The following ANK3 variants were observed in gnomAD, a reference collection of about 807,000 sequenced individuals.
ANK3 encodes ankyrin-3.
In ANK3, 57 loss-of-function variants were observed where a neutral mutation model predicts 370.9. The observed-to-expected ratio is 0.15, with a 90% confidence interval of 0.12 to 0.19. The LOEUF (loss-of-function observed/expected upper bound fraction) is 0.19, where lower values mean the gene tolerates loss of function less well. Among genes scored for constraint, ANK3 ranks in the 10% least tolerant of loss-of-function variants. The pLI, the probability that ANK3 is intolerant of heterozygous loss-of-function variation, is 1.00. For missense variants in ANK3, 4,439 were observed against 5,302.1 expected (o/e 0.84, Z 5.06); for synonymous variants, 1,929 against 1,946.3 (o/e 0.99, Z 0.23).
chr10:60,303,832 G>A (rs1182549847), intron 1 of ANK3, among the ~76,000 whole-genome samples: 2 of 151,830 alleles, frequency 1.3e-5, no homozygotes, highest in Non-Finnish European at 2.9e-5. Flanking sequence ...ACACAGAAAA[G>A]AACTAAATTG....
chr10:60,470,168 T>C (rs2065181696), intron 2 of ANK3, among the ~76,000 whole-genome samples: 1 of 152,148 alleles, frequency 6.6e-6, no homozygotes, highest in South Asian at 2.1e-4. Context: ...AATGGTGGGA[T>C]ATGAAGCATT....
At position 60,071,746 on chromosome 10, in the gene ANK3, G is replaced by C. The variant is rs1234340644; in HGVS notation, c.9135C>G (p.Pro3045=). The change falls in exon 37 of 44, where the codon CCC becomes CCG. Residue 3045 remains proline (P), a synonymous_variant. Transcript: ENST00000280772. ...CPPLEETETS[P]TKSPDSLEFS... ...ACTCTAAAGAATCAGGAGATTTGGT[G>C]GGGGAGGTTTCGGTTTCCTCGAGAG... 1.3e-6 allele frequency: 2 copies of C among 1,598,138 alleles called. No individual in the cohort carries two copies. Among genetic ancestry groups the C allele is most frequent in the East Asian group, 2.2e-5 (1 of 44,818 alleles).
intron 26 of ANK3, chr10:60,111,895 AT>A (rs779831674): frequency 4.9e-6 from 2 of 404,534 alleles, no homozygotes; most frequent in Non-Finnish European, 9.7e-6. Flanking sequence ...GGCATCTGGC[AT>A]TTGTGGGACA....
At chr10:60,450,412 T>C (rs527453090) in intron 2 of ANK3, among the ~76,000 whole-genome samples, 2 of 152,302 alleles carry the variant, frequency 1.3e-5, no homozygotes, top group South Asian at 2.1e-4. Flanking sequence ...TTACTGAATA[T>C]TTAACAATCA....
Position 60,696,532 on chromosome 10 carries a change from T to C in ANK3, c.57+36731A>G, listed in dbSNP as rs973502414. Among the ~76,000 whole-genome samples, 941 of 151,250 alleles carry C rather than the reference T, an allele frequency of 6.2e-3. 3 individuals are homozygous for C. The highest frequency in any genetic ancestry group is 9.7e-3 in the Non-Finnish European group (658 of 67,834). On this transcript the variant is annotated intron_variant, in intron 1 of 43. Transcript: ENST00000373827. Reference sequence around the variant, plus strand: ...AATACTGGCAAACCGAATCCAGCAGTACATCAAAAAGCTTATCCACCATGA... The same window carrying C: ...AATACTGGCAAACCGAATCCAGCAGCACATCAAAAAGCTTATCCACCATGA...
intron 42 of ANK3, among the ~76,000 whole-genome samples, chr10:60,054,196 A>C (rs962348658): frequency 2.6e-5 from 4 of 152,200 alleles, no homozygotes; most frequent in African/African-American, 4.8e-5. Context: ...TGCAGAATAA[A>C]TATTCACAGG....
At chr10:60,577,088 T>G (rs2077691967) in intron 2 of ANK3, among the ~76,000 whole-genome samples, 1 of 152,194 alleles carries the variant, frequency 6.6e-6, no homozygotes, top group African/African-American at 2.4e-5. Flanking sequence ...CCTGTGGGGT[T>G]TTGGTATTTA....
rs534089577 is a variant in ANK3 at position 60,449,787 on chromosome 10, A to C, written c.96+165399T>G. On this transcript the variant is annotated intron_variant, in intron 2 of 43. Coordinates refer to the ANK3 transcript ENST00000373827. ...AGCCTTTTATGGATTAGGTGCTCTG[A>C]GAAATAAGACAACTCCATATATTTT... Among the ~76,000 whole-genome samples the C allele has an allele frequency of 4.5e-4, 68 of 152,300 alleles. 1 individual carries two copies. The highest frequency in any genetic ancestry group is 5.2e-4 in the Admixed American group (8 of 15,298).
intron 1 of ANK3, among the ~76,000 whole-genome samples, chr10:60,717,562 C>T (rs531724171): frequency 5.3e-5 from 8 of 152,262 alleles, no homozygotes; most frequent in Non-Finnish European, 1.2e-4. Context: ...ATAAAAAGAA[C>T]TTACTATGAA....
intron 1 of ANK3, among the ~76,000 whole-genome samples, chr10:60,690,319 C>T (rs1427889741): frequency 6.6e-6 from 1 of 152,132 alleles, no homozygotes; most frequent in Non-Finnish European, 1.5e-5. Flanking sequence ...CAGGGGATTT[C>T]CCTTTCCTTT....
At chr10:60,623,387 G>A (rs111417644) in intron 1 of ANK3, among the ~76,000 whole-genome samples, 86 of 152,186 alleles carry the variant, frequency 5.7e-4, no homozygotes, top group African/African-American at 1.9e-3. Flanking sequence ...ACTATCATAC[G>A]CATGATACCA....
At position 60,086,716 on chromosome 10, in the gene ANK3, C is replaced by T. The variant is rs1564906864; in HGVS notation, c.3709G>A (p.Asp1237Asn). Residue 1237 changes from aspartate to asparagine, a missense_variant, in exon 30 of 44, where the codon GAC (aspartate) becomes AAC (asparagine). Asp to Asn is a conservative substitution (Grantham distance 23). Around this residue, in one of 13 missense-constraint regions of ANK3, gnomAD observed 702 missense variants for 941.5 expected, o/e 0.75. Transcript: ENST00000280772. ...AGAAGACGCAGATTGGGTGTAGTGT[C>T]CCCTTTGTATCCATTGGATACACCT... is the stretch of plus-strand genomic sequence containing the variant. ...GEGVSNGYKGDTTPNLRLLCS... is the reference protein window; with the variant it reads ...GEGVSNGYKGNTTPNLRLLCS... The T allele has an allele frequency of 1.2e-6, 2 of 1,613,740 alleles. No individual in the cohort carries two copies. The highest frequency in any genetic ancestry group is 1.7e-5 in the Admixed American group (1 of 59,978).
At chr10:60,710,785 G>A (rs893847659) in intron 1 of ANK3, among the ~76,000 whole-genome samples, 1 of 152,186 alleles carries the variant, frequency 6.6e-6, no homozygotes, top group African/African-American at 2.4e-5. Context: ...TGGTGGTGTA[G>A]TTCAAAGGCC....
At chr10:60,577,427 TGTGGGAGGGATGG>T (rs1043425458) in intron 2 of ANK3, among the ~76,000 whole-genome samples, 42 of 152,060 alleles carry the variant, frequency 2.8e-4, no homozygotes, top group African/African-American at 9.9e-4. Flanking sequence ...TCCCACCTGT[TGTGGGAGGGATGG>T]GTGGGAGGTA....
chr10:60,672,493 G>A (rs775262703), intron 1 of ANK3, among the ~76,000 whole-genome samples: 2 of 152,156 alleles, frequency 1.3e-5, no homozygotes, highest in Admixed American at 6.5e-5. Flanking sequence ...CAGGGTTTAG[G>A]GAGCTTTCAG....
At chr10:60,393,838 A>G (rs1160752835), upstream of ANK3, among the ~76,000 whole-genome samples, 1 of 152,130 alleles carries the variant, frequency 6.6e-6, no homozygotes, top group Non-Finnish European at 1.5e-5. Flanking sequence ...TTGAAGTTAC[A>G]AGAGCTGTGC....
upstream of ANK3, among the ~76,000 whole-genome samples, chr10:60,390,174 A>C (rs186264412): frequency 2.5e-3 from 377 of 152,364 alleles, no homozygotes; most frequent in Middle Eastern, 0.01. Context: ...TGACTGCATT[A>C]CAGGGAAAAC....
intron 8 of ANK3, among the ~76,000 whole-genome samples, chr10:60,221,877 A>T (rs922670152): frequency 2.0e-5 from 3 of 152,226 alleles, no homozygotes; most frequent in African/African-American, 2.4e-5. Context: ...AACATGTGGC[A>T]TCTAAAGACT....
intron 2 of ANK3, among the ~76,000 whole-genome samples, chr10:60,512,884 C>T (rs1427756329): frequency 1.3e-5 from 2 of 148,240 alleles, no homozygotes; most frequent in African/African-American, 5.0e-5. Flanking sequence ...CAGGGAATTC[C>T]TGCCAGGTAA....
Sources: allele counts gnomAD v4.1 joint callset (sites outside exome capture counted in the v4.1 genomes callset), GRCh38; gene constraint gnomAD v4.1.1; regional missense constraint gnomAD v4.1.1; transcripts MANE v1.5; gene names NCBI Gene and HGNC (gene_info 2026-07-23, HGNC 2026-07-21).